MEF2A: variants seen among roughly 807,000 people sequenced by gnomAD.
MEF2A encodes myocyte-specific enhancer factor 2A.
Under a neutral mutation model 55.8 loss-of-function variants are expected in MEF2A, and 28 were observed. The observed-to-expected ratio is 0.50, with a 90% CI of 0.37 to 0.69. The LOEUF is 0.69. MEF2A is among the 30% of genes least tolerant of loss of function. The pLI, the probability that MEF2A is intolerant of heterozygous loss-of-function variation, is 0.00. For missense variants in MEF2A, 528 were observed against 626.2 expected (o/e 0.84, Z 1.67); for synonymous variants, 239 against 227.1 (o/e 1.05, Z -0.47).
At chr15:99,640,839 C>T (rs142213318) in intron 3 of MEF2A, among the ~76,000 whole-genome samples, 2 of 152,192 alleles carry the variant, frequency 1.3e-5, no homozygotes, top group East Asian at 1.9e-4. Flanking sequence ...TGAGCCACGG[C>T]GCCCAGCCAG....
intron 2 of MEF2A, among the ~76,000 whole-genome samples, chr15:99,601,734 T>G (rs1453154024): frequency 2.0e-5 from 3 of 152,062 alleles, no homozygotes; most frequent in Non-Finnish European, 2.9e-5. Flanking sequence ...CTGGATTCAC[T>G]TGCTAAAATT....
chr15:99,656,349 G>A (rs1261878218), intron 4 of MEF2A, among the ~76,000 whole-genome samples: 1 of 152,092 alleles, frequency 6.6e-6, no homozygotes, highest in Non-Finnish European at 1.5e-5. Context: ...CTGTATTGCA[G>A]TGTATGCATT....
At chr15:99,607,541 A>T (rs1282087640) in intron 2 of MEF2A, among the ~76,000 whole-genome samples, 1 of 152,224 alleles carries the variant, frequency 6.6e-6, no homozygotes, top group African/African-American at 2.4e-5. Context: ...ATGATAATTC[A>T]TCTTTTTGTA....
At chr15:99,600,748 T>G (rs1166498906) in intron 2 of MEF2A, among the ~76,000 whole-genome samples, 1 of 142,710 alleles carries the variant, frequency 7.0e-6, no homozygotes, top group African/African-American at 2.4e-5. Context: ...TCTGTTCTGC[T>G]GATCTATATA....
intron 9 of MEF2A, among the ~76,000 whole-genome samples, chr15:99,704,633 A>T (rs938439069): frequency 6.6e-6 from 1 of 152,176 alleles, no homozygotes; most frequent in African/African-American, 2.4e-5. Flanking sequence ...GAGTGGAACT[A>T]GTGTTTGAAG....
At chr15:99,585,329 C>T (rs1256173612) in intron 1 of MEF2A, among the ~76,000 whole-genome samples, 3 of 152,184 alleles carry the variant, frequency 2.0e-5, no homozygotes, top group Non-Finnish European at 4.4e-5. Flanking sequence ...GTAATTGGAA[C>T]AATCTCGTTT....
At chr15:99,640,010 G>C (rs928213977) in intron 3 of MEF2A, among the ~76,000 whole-genome samples, 3 of 152,122 alleles carry the variant, frequency 2.0e-5, no homozygotes, top group African/African-American at 7.2e-5. Context: ...CCATAGTGTT[G>C]TATATTGCCC....
intron 1 of MEF2A, among the ~76,000 whole-genome samples, chr15:99,571,184 C>CAAA (rs113527746): frequency 6.0e-5 from 8 of 134,282 alleles, no homozygotes; most frequent in African/African-American, 1.1e-4. Context: ...ACTCCATCTC[C>CAAA]AAAAAAAAAA....
chr15:99,601,872 G>T (rs573935689), intron 2 of MEF2A, among the ~76,000 whole-genome samples: 77 of 150,008 alleles, frequency 5.1e-4, no homozygotes, highest in African/African-American at 1.8e-3. Flanking sequence ...GGTAATGCTG[G>T]TCTCAGAATG....
chr15:99,569,957 T>C (rs570924678), intron 1 of MEF2A, among the ~76,000 whole-genome samples: 1 of 151,866 alleles, frequency 6.6e-6, no homozygotes, highest in Admixed American at 6.6e-5. Context: ...ATCTTACACA[T>C]AGCACACGAT....
chr15:99,576,980 AG>A lies in MEF2A; in HGVS notation c.-225+10877del, dbSNP rs1416749082. On this transcript the variant is annotated intron_variant, in intron 1 of 11. Transcript: ENST00000557942. ...TAGTTTTTAACTTAAAAATTTTAAAAGCCTAATTCCTGAAATTAAAGTATAT... is the reference window on the plus strand; with the variant it reads ...TAGTTTTTAACTTAAAAATTTTAAAACCTAATTCCTGAAATTAAAGTATAT... Among the ~76,000 whole-genome samples, 11 of 152,288 alleles carry A rather than the reference AG, an allele frequency of 7.2e-5. No individual in the cohort carries two copies. In the East Asian group the frequency reaches 1.9e-3, roughly 27 times the overall value.
chr15:99,705,195 G>A (rs1162011888), intron 9 of MEF2A, among the ~76,000 whole-genome samples: 2 of 152,194 alleles, frequency 1.3e-5, no homozygotes, highest in African/African-American at 2.4e-5. Context: ...TAAGACCAGC[G>A]ACAGATTCCT....
chr15:99,701,117 A>C (rs911185237), intron 8 of MEF2A, among the ~76,000 whole-genome samples: 1 of 152,232 alleles, frequency 6.6e-6, no homozygotes, highest in African/African-American at 2.4e-5. Flanking sequence ...CTCTTCCCCA[A>C]TATTCATTTC....
chr15:99,657,962 T>A (rs533521730), intron 4 of MEF2A, among the ~76,000 whole-genome samples: 1 of 152,098 alleles, frequency 6.6e-6, no homozygotes, highest in Non-Finnish European at 1.5e-5. Context: ...GGGAAGCAAA[T>A]TTATATCCTT....
chr15:99,696,941 G>C (rs1161044076), intron 8 of MEF2A, among the ~76,000 whole-genome samples: 1 of 151,816 alleles, frequency 6.6e-6, no homozygotes, highest in East Asian at 1.9e-4. Flanking sequence ...TATATAAAAA[G>C]GATAATACAT....
At chr15:99,661,067 A>G (rs1016168073) in intron 4 of MEF2A, among the ~76,000 whole-genome samples, 2 of 152,216 alleles carry the variant, frequency 1.3e-5, no homozygotes, top group Non-Finnish European at 2.9e-5. Context: ...CCAATGGAAT[A>G]ATAGCTCAGA....
chr15:99,666,984 G>A (rs897595513), intron 4 of MEF2A, among the ~76,000 whole-genome samples: 1 of 152,200 alleles, frequency 6.6e-6, no homozygotes, highest in Admixed American at 6.5e-5. Context: ...GCCCTGTCTT[G>A]TCATATTTCA....
chr15:99,591,789 T>C (rs532231754), intron 1 of MEF2A, among the ~76,000 whole-genome samples: 1 of 152,286 alleles, frequency 6.6e-6, no homozygotes, highest in South Asian at 2.1e-4. Context: ...CCAGTTACTT[T>C]TTTGAGATAC....
chr15:99,678,481 A>C (rs946024894), intron 7 of MEF2A, among the ~76,000 whole-genome samples: 3 of 152,226 alleles, frequency 2.0e-5, no homozygotes, highest in Admixed American at 6.5e-5. Context: ...AACTCGTGAT[A>C]GGTCAGTTCC....
Sources: allele counts gnomAD v4.1 joint callset (sites outside exome capture counted in the v4.1 genomes callset), GRCh38; gene constraint gnomAD v4.1.1; transcripts MANE v1.5; gene names NCBI Gene and HGNC (gene_info 2026-07-23, HGNC 2026-07-21).